PRSS12: variants seen among roughly 807,000 people sequenced by gnomAD.
PRSS12 encodes the protein serine protease 12, also known as neurotrypsin.
In PRSS12, 85 loss-of-function variants were observed where a neutral mutation model predicts 104.4. That is an observed-to-expected ratio of 0.81 (90% confidence interval 0.68 to 0.98). The LOEUF is 0.98. PRSS12 is among the 50% of genes least tolerant of loss of function. The probability of loss-of-function intolerance (pLI) is 0.00; values close to 1 mark genes in which losing one functional copy is unlikely to be tolerated. For missense variants in PRSS12, 1,141 were observed against 1,139.2 expected (o/e 1.00, Z -0.02); for synonymous variants, 454 against 425.2 (o/e 1.07, Z -0.83).
intron 5 of PRSS12, 52 bp from the exon 6 acceptor site, chr4:118,316,375 G>A: frequency 6.2e-7 from 1 of 1,608,448 alleles, no homozygotes. Context: ...TCAAAAAAAG[G>A]CAAAACAACA....
At chr4:118,352,094 C>G in intron 1 of PRSS12, 125 bp downstream of exon 1, 1 of 1,386,466 alleles carries the variant, frequency 7.2e-7, no homozygotes. Context: ...CCATCACAGC[C>G]CGCAAACGCA....
At chr4:118,314,154 G>A (rs1743835758) in intron 6 of PRSS12, among the ~76,000 whole-genome samples, 1 of 151,910 alleles carries the variant, frequency 6.6e-6, no homozygotes, top group African/African-American at 2.4e-5. Context: ...CAAACCTCCA[G>A]AAATCACGGA....
chr4:118,330,420 A>T (rs1723888686), intron 4 of PRSS12, among the ~76,000 whole-genome samples: 1 of 152,188 alleles, frequency 6.6e-6, no homozygotes, highest in Non-Finnish European at 1.5e-5. Flanking sequence ...GGAAAAAAAT[A>T]AGACAAATTC....
chr4:118,323,270 C>T (rs1723680061), intron 4 of PRSS12, among the ~76,000 whole-genome samples: 1 of 152,044 alleles, frequency 6.6e-6, no homozygotes, highest in South Asian at 2.1e-4. Context: ...GATTAACAGC[C>T]TTCTTGGATC....
intron 6 of PRSS12, among the ~76,000 whole-genome samples, chr4:118,315,942 G>T (rs1743895384): frequency 6.6e-6 from 1 of 152,140 alleles, no homozygotes; most frequent in East Asian, 1.9e-4. Flanking sequence ...GTCACCCCTG[G>T]CTTCAACTAA....
rs1447987406 is a variant in PRSS12 at position 118,281,545 on chromosome 4, C to T, written c.*391G>A. ...CACTCATGAGTGTAGTAAAGGGTAC[C>T]GCATTTATGTCAAATGTGGGTATTT... On this transcript the variant is annotated 3_prime_UTR_variant, in exon 13 of 13. Coordinates refer to ENST00000296498, the MANE Select transcript of PRSS12 (RefSeq NM_003619.4). 4 of 283,514 alleles carry T rather than the reference C, an allele frequency of 1.4e-5. No individual in the cohort carries two copies. The highest frequency in any genetic ancestry group is 2.2e-5 in the African/African-American group (1 of 45,692). The allele number at this position is 283,514 out of a possible 1,614,324, so 17.6% of individuals were successfully genotyped here.
At chr4:118,292,821 C>T (rs1453936745) in intron 11 of PRSS12, among the ~76,000 whole-genome samples, 1 of 151,978 alleles carries the variant, frequency 6.6e-6, no homozygotes, top group Non-Finnish European at 1.5e-5. Flanking sequence ...ACAAGACCAG[C>T]CTGGCCAACA....
intron 1 of PRSS12, among the ~76,000 whole-genome samples, chr4:118,341,679 T>A (rs530433265): frequency 5.9e-5 from 9 of 151,980 alleles, no homozygotes; most frequent in African/African-American, 2.2e-4. Context: ...CAAAACTCCA[T>A]CTCAAAAGCA....
At chr4:118,291,752 A>G (rs1331002709) in intron 11 of PRSS12, among the ~76,000 whole-genome samples, 1 of 152,124 alleles carries the variant, frequency 6.6e-6, no homozygotes. Context: ...TCTGGACACC[A>G]TTCGTCAGTG....
At chr4:118,316,061 A>G in intron 6 of PRSS12, 121 bp downstream of exon 6, 1 of 1,090,428 alleles carries the variant, frequency 9.2e-7, no homozygotes, top group South Asian at 1.4e-5. Flanking sequence ...GTACTTCCAT[A>G]CACAGGTAGG....
rs902421106 is a variant in PRSS12 at position 118,280,483 on chromosome 4, C to T, written c.*1453G>A. On this transcript the variant is annotated 3_prime_UTR_variant, in exon 13 of 13. Coordinates refer to ENST00000296498, the MANE Select transcript of PRSS12 (RefSeq NM_003619.4). ...AAACTATAAAGCACCTTTAGGTTTG[C>T]ACCAGTTATTACAGAAATGGGGATT... 3 of 152,204 alleles carry T rather than the reference C, an allele frequency of 2.0e-5. No homozygotes were observed. Among genetic ancestry groups the T allele is most frequent in the East Asian group, 1.9e-4 (1 of 5,202 alleles). The allele number at this position is 152,204 out of a possible 1,614,324, so 9.4% of individuals were successfully genotyped here.
At chr4:118,330,166 A>T (rs1578931166) in intron 4 of PRSS12, among the ~76,000 whole-genome samples, 1 of 152,174 alleles carries the variant, frequency 6.6e-6, no homozygotes, top group South Asian at 2.1e-4. Context: ...AGTCAGTTTC[A>T]GGGGGAAATC....
Position 118,352,988 on chromosome 4 carries a change from AAGGCGCGGACGC to A in PRSS12, c.-280_-269del. 1 of 816,772 alleles carries A rather than the reference AAGGCGCGGACGC, an allele frequency of 1.2e-6. No individual in the cohort carries two copies. The highest frequency in any genetic ancestry group is 1.7e-6 in the Non-Finnish European group (1 of 588,756). 50.6% of individuals were successfully genotyped at this position (816,772 alleles called of 1,614,324 possible). A position where few individuals can be genotyped will look rare whatever the true frequency, so the allele number is the denominator to read the frequency against. ...GCCGGCGGAGAGGACCGGAAAAGAG[AAGGCGCGGACGC>A]AGCGGGGAGCGGTTGGGCCTGAGCC... On this transcript the variant is annotated 5_prime_UTR_variant, in exon 1 of 13. Coordinates refer to ENST00000296498, the MANE Select transcript of PRSS12 (RefSeq NM_003619.4).
intron 4 of PRSS12, among the ~76,000 whole-genome samples, chr4:118,324,152 A>T (rs970715465): frequency 1.3e-5 from 2 of 152,014 alleles, no homozygotes; most frequent in Non-Finnish European, 2.9e-5. Context: ...TGCCCACCTC[A>T]GCCTCTCAAA....
At chr4:118,330,000 A>T (rs1403825523) in intron 4 of PRSS12, among the ~76,000 whole-genome samples, 1 of 152,174 alleles carries the variant, frequency 6.6e-6, no homozygotes, top group East Asian at 1.9e-4. Context: ...TAGTTTTTTC[A>T]AAAGAAACCA....
At position 118,349,644 on chromosome 4, in the gene PRSS12, C is replaced by T. The variant is rs138095647; in HGVS notation, c.502+2575G>A. Among the ~76,000 whole-genome samples, 679 of 152,216 alleles carry T rather than the reference C, an allele frequency of 4.5e-3. 11 individuals are homozygous for T. Among genetic ancestry groups the T allele is most frequent in the Non-Finnish European group, 2.1e-3 (146 of 68,024 alleles). The stretch of plus-strand genomic sequence containing the variant: ...TCTAACCCTATTTTCTCCTATACTC[C>T]TCATAATATGTCTTCACATATTTTC... On this transcript the variant is annotated intron_variant, in intron 1 of 12. Transcript: ENST00000296498.
chr4:118,292,875 C>T (rs535504717), intron 11 of PRSS12, among the ~76,000 whole-genome samples: 51 of 152,122 alleles, frequency 3.4e-4, no homozygotes, highest in African/African-American at 1.2e-3. Flanking sequence ...ATTAGCCAGG[C>T]ATGGTGACGC....
chr4:118,290,791 G>A (rs956361071), intron 11 of PRSS12, among the ~76,000 whole-genome samples: 3 of 151,956 alleles, frequency 2.0e-5, no homozygotes, highest in Non-Finnish European at 4.4e-5. Context: ...TCCTTCTGTT[G>A]TATTGTACCA....
At chr4:118,303,258 C>CA (rs1443972502) in intron 8 of PRSS12, 4 of 148,826 alleles carry the variant, frequency 2.7e-5, no homozygotes, top group South Asian at 2.2e-4. Context: ...GATGATTACA[C>CA]AAAAAACAGA....
Sources: gnomAD v4.1 joint callset for allele counts (sites outside exome capture counted in the v4.1 genomes callset) on GRCh38, gnomAD v4.1.1 for gene constraint, MANE v1.5 for transcripts, NCBI Gene and HGNC (gene_info 2026-07-23, HGNC 2026-07-21) for gene names.